The following NTM variants were observed in gnomAD, a reference collection of about 807,000 sequenced individuals.
NTM encodes neurotrimin, also known as IgLON family member 2.
In NTM, 13 loss-of-function variants were observed where a neutral mutation model predicts 42.1. The ratio of observed to expected loss-of-function variants is 0.31; its 90% CI spans 0.20 to 0.49. NTM has a LOEUF of 0.49. Among genes scored for constraint, NTM ranks in the 20% least tolerant of loss-of-function variants. The pLI, the probability that NTM is intolerant of heterozygous loss-of-function variation, is 0.99. For missense variants in NTM, 373 were observed against 452.8 expected (o/e 0.82, Z 1.60); for synonymous variants, 187 against 179.2 (o/e 1.04, Z -0.35).
intron 2 of NTM, among the ~76,000 whole-genome samples, chr11:132,088,238 G>A (rs530006403): frequency 1.4e-4 from 22 of 152,304 alleles, no homozygotes; most frequent in Middle Eastern, 3.4e-3. Flanking sequence ...ACCCCTGAGA[G>A]TGAGTGGGGT....
At chr11:131,377,042 A>G (rs1942063577) in intron 1 of NTM, among the ~76,000 whole-genome samples, 1 of 152,226 alleles carries the variant, frequency 6.6e-6, no homozygotes, top group African/African-American at 2.4e-5. Context: ...CAACAGCAGT[A>G]CCGGAAGCAA....
chr11:132,302,538 T>C (rs1441740870), intron 4 of NTM, among the ~76,000 whole-genome samples: 1 of 152,156 alleles, frequency 6.6e-6, no homozygotes, highest in African/African-American at 2.4e-5. Flanking sequence ...CTGACTTTTT[T>C]TCATTGAATT....
chr11:132,124,275 T>C (rs1241691753), intron 2 of NTM, among the ~76,000 whole-genome samples: 3 of 152,086 alleles, frequency 2.0e-5, no homozygotes, highest in African/African-American at 7.2e-5. Flanking sequence ...GTCCAGCCCC[T>C]GGGGCCCTGC....
chr11:132,222,780 A>G (rs1442046858), intron 4 of NTM, among the ~76,000 whole-genome samples: 1 of 152,162 alleles, frequency 6.6e-6, no homozygotes, highest in Non-Finnish European at 1.5e-5. Flanking sequence ...CCCACCCTGA[A>G]AAACAAACCT....
chr11:131,461,247 C>A lies in NTM; in HGVS notation c.82+90359C>A, dbSNP rs76931501. ...TTGGGTTGGCCAGTGCATTATAATC[C>A]CAACTCCCTTATTGTTGCAAAGTAG... On this transcript the variant is annotated intron_variant, in intron 1 of 8. Coordinates refer to ENST00000683400, the MANE Select transcript of NTM (RefSeq NM_001352005.2). Among the ~76,000 whole-genome samples the A allele has an allele frequency of 6.4e-3, 977 of 152,224 alleles. 10 individuals are homozygous for A. Among genetic ancestry groups the A allele is most frequent in the African/African-American group, 0.023 (938 of 41,534 alleles).
intron 2 of NTM, among the ~76,000 whole-genome samples, chr11:131,980,262 A>G (rs1333025091): frequency 1.3e-5 from 2 of 152,142 alleles, no homozygotes; most frequent in Admixed American, 6.5e-5. Context: ...CAGCAAAATG[A>G]TGTCTGGTAT....
At chr11:131,619,623 A>G (rs536823055) in intron 1 of NTM, among the ~76,000 whole-genome samples, 1 of 152,328 alleles carries the variant, frequency 6.6e-6, no homozygotes, top group East Asian at 1.9e-4. Context: ...AGAGGGAAGA[A>G]AGAACACAAT....
In NTM at chr11:131,555,807, T is replaced by A. The variant is rs114554916; in HGVS notation, c.82+184919T>A. ...GTGGGGCACAGAACCGCTTCTCTGATAGGATCTCTTCCCCAGGGCAGCTAC... is the reference window on the plus strand; with the variant it reads ...GTGGGGCACAGAACCGCTTCTCTGAAAGGATCTCTTCCCCAGGGCAGCTAC... On this transcript the variant is annotated intron_variant, in intron 1 of 8. Coordinates refer to ENST00000683400, the MANE Select transcript of NTM (RefSeq NM_001352005.2). 6.7e-3 allele frequency among the ~76,000 whole-genome samples: 1,022 copies of A among 152,224 alleles called. 4 individuals carry two copies. The highest frequency in any genetic ancestry group is 0.023 in the African/African-American group (950 of 41,538).
intron 4 of NTM, among the ~76,000 whole-genome samples, chr11:132,287,950 A>G (rs985937940): frequency 9.9e-5 from 15 of 152,272 alleles, no homozygotes; most frequent in African/African-American, 1.7e-4. Flanking sequence ...TACTCATTTA[A>G]TAAACATTTA....
intron 1 of NTM, among the ~76,000 whole-genome samples, chr11:131,754,875 C>A (rs1033088887): frequency 6.6e-6 from 1 of 152,096 alleles, no homozygotes; most frequent in Non-Finnish European, 1.5e-5. Context: ...GCTATTGATA[C>A]AAGCAACAAT....
intron 1 of NTM, among the ~76,000 whole-genome samples, chr11:131,782,769 A>G (rs1591802606): frequency 6.6e-6 from 1 of 152,302 alleles, no homozygotes; most frequent in South Asian, 2.1e-4. Context: ...AAAGCATTTG[A>G]TAAATTCAAC....
intron 1 of NTM, among the ~76,000 whole-genome samples, chr11:131,571,920 A>G (rs1359251037): frequency 6.6e-6 from 1 of 152,228 alleles, no homozygotes; most frequent in Non-Finnish European, 1.5e-5. Context: ...CTGTCTTCCA[A>G]GATACCAGCT....
intron 1 of NTM, among the ~76,000 whole-genome samples, chr11:131,484,099 G>A (rs558305869): frequency 2.6e-5 from 4 of 152,292 alleles, no homozygotes; most frequent in Non-Finnish European, 5.9e-5. Context: ...CACATTGTCT[G>A]GAGGAGTCTC....
At chr11:132,242,584 T>C (rs1240236490) in intron 4 of NTM, among the ~76,000 whole-genome samples, 1 of 152,232 alleles carries the variant, frequency 6.6e-6, no homozygotes, top group African/African-American at 2.4e-5. Context: ...CCCTTAGGCC[T>C]GCGCAGCCTG....
At chr11:131,704,746 G>A (rs972803724) in intron 1 of NTM, among the ~76,000 whole-genome samples, 36 of 152,180 alleles carry the variant, frequency 2.4e-4, no homozygotes, top group East Asian at 1.5e-3. Flanking sequence ...GGAAAATAAC[G>A]CATGAACAAA....
intron 4 of NTM, among the ~76,000 whole-genome samples, chr11:132,276,611 G>A (rs1219463553): frequency 6.6e-6 from 1 of 152,218 alleles, no homozygotes; most frequent in Non-Finnish European, 1.5e-5. Context: ...ACCTTAGGCA[G>A]GAGGTAGCTA....
At chr11:131,434,800 C>A (rs2135936918) in intron 1 of NTM, among the ~76,000 whole-genome samples, 1 of 152,252 alleles carries the variant, frequency 6.6e-6, no homozygotes. Flanking sequence ...TTAATTAGAT[C>A]CCATTTGTCA....
chr11:132,286,092 C>T (rs2094219120), intron 4 of NTM, among the ~76,000 whole-genome samples: 2 of 152,198 alleles, frequency 1.3e-5, no homozygotes, highest in Admixed American at 1.3e-4. Context: ...GTTTGAGTCT[C>T]TGGTTTCTGT....
At chr11:131,726,635 C>T (rs552286961) in intron 1 of NTM, among the ~76,000 whole-genome samples, 38 of 151,292 alleles carry the variant, frequency 2.5e-4, no homozygotes, top group Admixed American at 9.8e-4. Flanking sequence ...CTTGTTGGCT[C>T]CTCTTCCCAA....
Sources: gnomAD v4.1 joint callset for allele counts (sites outside exome capture counted in the v4.1 genomes callset) on GRCh38, gnomAD v4.1.1 for gene constraint, MANE v1.5 for transcripts, NCBI Gene and HGNC (gene_info 2026-07-23, HGNC 2026-07-21) for gene names.